The following SEMA5A variants were observed in gnomAD, a reference collection of about 807,000 sequenced individuals.
The protein encoded by SEMA5A is semaphorin 5A.
In SEMA5A, 55 loss-of-function variants were observed where a neutral mutation model predicts 135.5. The observed-to-expected ratio is 0.41, with a 90% confidence interval of 0.33 to 0.51. The LOEUF (loss-of-function observed/expected upper bound fraction) is 0.51, where lower values mean the gene tolerates loss of function less well. Among genes scored for constraint, SEMA5A ranks in the 20% least tolerant of loss-of-function variants. SEMA5A has a pLI of 0.37. For synonymous variants in SEMA5A, 580 were observed against 546.5 expected, an observed-to-expected ratio of 1.06 and a Z score of -0.85; for missense variants, 1,290 against 1,419.9, an observed-to-expected ratio of 0.91 and a Z score of 1.47.
Position 9,119,063 on chromosome 5 carries a change from G to A in SEMA5A, c.1860C>T (p.Arg620=). ...TCGIGFQVRQ[R]SCSNPTPRHG... is the part of the protein sequence containing the mutation. ...GCCTGGGAGTGGGGTTGCTGCAGGA[G>A]CGCTGCCGCACCTGGAAGCCGATCC... The change falls in exon 15 of 23, where the codon CGC becomes CGT. Residue 620 remains arginine (R), a synonymous_variant. Transcript: ENST00000382496. 1.9e-6 allele frequency: 3 copies of A among 1,613,678 alleles called. No homozygotes were observed. In the South Asian group the frequency reaches 3.3e-5, roughly 18 times the overall value.
chr5:9,129,309 T>C (rs1008857323), intron 13 of SEMA5A, among the ~76,000 whole-genome samples: 1 of 152,222 alleles, frequency 6.6e-6, no homozygotes, highest in African/African-American at 2.4e-5. Context: ...AGGGTAAGAA[T>C]GTGAGATTCA....
At position 9,154,060 on chromosome 5, in the gene SEMA5A, AAAATAT is replaced by A. The variant is rs1331345926; in HGVS notation, c.1481+422_1481+427del. Reference sequence around the variant, plus strand: ...GACTGTGTCTCAAAAAAAAAAAAAAAAAATATATATATATATATATATATATATATA... The same window carrying A: ...GACTGTGTCTCAAAAAAAAAAAAAAAATATATATATATATATATATATATA... On this transcript the variant is annotated intron_variant, in intron 12 of 22. Coordinates refer to ENST00000382496, the MANE Select transcript of SEMA5A (RefSeq NM_003966.3). Among the ~76,000 whole-genome samples the A allele has an allele frequency of 5.7e-3, 285 of 50,094 alleles. 1 individual carries two copies. The highest frequency in any genetic ancestry group is 0.011 in the Non-Finnish European group (217 of 18,954). 32.9% of individuals were successfully genotyped at this position (50,094 alleles called of 152,430 possible).
intron 1 of SEMA5A, among the ~76,000 whole-genome samples, chr5:9,452,990 T>C (rs1028746096): frequency 6.6e-6 from 1 of 152,152 alleles, no homozygotes; most frequent in African/African-American, 2.4e-5. Flanking sequence ...CCACCAGAAA[T>C]GCTGCAACCA....
chr5:9,206,762 A>G (rs141436877), intron 8 of SEMA5A, among the ~76,000 whole-genome samples: 1,543 of 151,882 alleles, frequency 0.01, 14 homozygotes, highest in Middle Eastern at 0.037. Flanking sequence ...CTTGTGAGAC[A>G]CTTGCCAAAG....
chr5:9,321,811 T>C (rs1201172950), intron 4 of SEMA5A, among the ~76,000 whole-genome samples: 2 of 152,216 alleles, frequency 1.3e-5, no homozygotes, highest in East Asian at 3.9e-4. Flanking sequence ...CTAAGAGCTT[T>C]GGTGATATCT....
At chr5:9,458,994 A>T (rs1045780460) in intron 1 of SEMA5A, among the ~76,000 whole-genome samples, 1 of 152,206 alleles carries the variant, frequency 6.6e-6, no homozygotes, top group African/African-American at 2.4e-5. Flanking sequence ...CAATAATTTG[A>T]TCTATTTTCA....
chr5:9,050,425 C>T lies in SEMA5A; in HGVS notation c.2878G>A (p.Glu960Lys). The T allele has an allele frequency of 6.2e-7, 1 of 1,613,000 alleles. No homozygotes were observed. The highest frequency in any genetic ancestry group is 8.5e-7 in the Non-Finnish European group (1 of 1,179,496). ...VSVARSSSVE[E>K]KRCGEFNMFH... is the part of the protein sequence containing the mutation. The stretch of plus-strand genomic sequence containing the variant: ...AATAACGTACCTCCACACCTTTTCT[C>T]TTCTACGCTACTGGATCTTGCCACA... Residue 960 changes from glutamate (E) to lysine (K), a missense_variant, in exon 21 of 23, where the codon GAG becomes AAG. Physicochemically the swap from Glu to Lys is moderately conservative, Grantham distance 56 (BLOSUM62 1). This residue lies in a region of SEMA5A where 1,029 missense variants were observed against 1,086.6 expected (regional missense o/e 0.95). Transcript: ENST00000382496.
intron 3 of SEMA5A, among the ~76,000 whole-genome samples, chr5:9,361,172 G>A (rs370121370): frequency 1.4e-4 from 22 of 151,896 alleles, no homozygotes; most frequent in East Asian, 1.4e-3. Context: ...GTTGGTGGGC[G>A]CCTGTAATCC....
At chr5:9,430,634 G>T (rs1757824045) in intron 2 of SEMA5A, among the ~76,000 whole-genome samples, 1 of 152,048 alleles carries the variant, frequency 6.6e-6, no homozygotes, top group Non-Finnish European at 1.5e-5. Context: ...GAGGTGGGAG[G>T]GGTCGATGGT....
intron 17 of SEMA5A, among the ~76,000 whole-genome samples, chr5:9,064,409 A>G (rs79141423): frequency 6.6e-6 from 1 of 152,210 alleles, no homozygotes; most frequent in South Asian, 2.1e-4. Context: ...CCCATTGATG[A>G]TAGACTGGAT....
intron 2 of SEMA5A, among the ~76,000 whole-genome samples, chr5:9,395,833 T>A (rs1054564502): frequency 5.3e-5 from 8 of 152,214 alleles, no homozygotes; most frequent in African/African-American, 1.9e-4. Context: ...TGCTTAATCT[T>A]ACTGTTCAAG....
chr5:9,303,982 A>C (rs1235508958), intron 5 of SEMA5A, among the ~76,000 whole-genome samples: 1 of 152,184 alleles, frequency 6.6e-6, no homozygotes, highest in African/African-American at 2.4e-5. Context: ...GAAAAACAAA[A>C]TAGACATGGA....
At chr5:9,197,780 G>GTGTGTGTGTGTGTGTA (rs1402121195) in intron 9 of SEMA5A, among the ~76,000 whole-genome samples, 5,260 of 103,766 alleles carry the variant, frequency 0.051, 387 homozygotes, top group Middle Eastern at 0.07. Context: ...GTGTGTGTGT[G>GTGTGTGTGTGTGTGTA]TGTGTTTTAA....
intron 5 of SEMA5A, among the ~76,000 whole-genome samples, chr5:9,243,571 A>G (rs1037259447): frequency 4.6e-5 from 7 of 152,196 alleles, no homozygotes; most frequent in Non-Finnish European, 8.8e-5. Context: ...AATTAGGGTC[A>G]TTGCTTTGCC....
intron 5 of SEMA5A, among the ~76,000 whole-genome samples, chr5:9,252,011 G>T (rs1748820815): frequency 6.6e-6 from 1 of 152,170 alleles, no homozygotes; most frequent in Non-Finnish European, 1.5e-5. Context: ...GCTGGCTCCA[G>T]GGTCCACAAT....
intron 21 of SEMA5A, among the ~76,000 whole-genome samples, chr5:9,048,315 G>C (rs1032607362): frequency 6.6e-6 from 1 of 152,176 alleles, no homozygotes; most frequent in Non-Finnish European, 1.5e-5. Flanking sequence ...ACTTGGGCCA[G>C]TGACATCATC....
At chr5:9,530,082 C>T (rs113946825) in intron 1 of SEMA5A, among the ~76,000 whole-genome samples, 4,357 of 152,274 alleles carry the variant, frequency 0.029, 184 homozygotes, top group African/African-American at 0.1. Context: ...GGTGTGCGGG[C>T]CGCGTTAGGA....
chr5:9,387,479 C>T (rs753718698), intron 2 of SEMA5A, among the ~76,000 whole-genome samples: 1 of 152,088 alleles, frequency 6.6e-6, no homozygotes, highest in Admixed American at 6.5e-5. Flanking sequence ...GAAGCAAAGT[C>T]GTCAGAAACA....
chr5:9,079,700 GAAAAA>G (rs1284021437), intron 16 of SEMA5A, among the ~76,000 whole-genome samples: 2 of 151,760 alleles, frequency 1.3e-5, no homozygotes, highest in Admixed American at 1.3e-4. Flanking sequence ...AAATGTACAA[GAAAAA>G]AACAAACAAC....
Sources: gnomAD v4.1 joint callset for allele counts (sites outside exome capture counted in the v4.1 genomes callset) on GRCh38, gnomAD v4.1.1 for gene constraint, gnomAD v4.1.1 regional missense constraint, MANE v1.5 for transcripts, NCBI Gene and HGNC (gene_info 2026-07-23, HGNC 2026-07-21) for gene names.